The following DAB1 variants were observed in gnomAD, a reference collection of about 807,000 sequenced individuals.
DAB1 encodes the protein DAB adaptor protein 1.
DAB1 carries 15 observed loss-of-function variants against 64.6 expected under a neutral mutation model. The ratio of observed to expected loss-of-function variants is 0.23; its 90% CI spans 0.16 to 0.36. DAB1 has a LOEUF of 0.36. DAB1 is among the 10% of genes least tolerant of loss of function. DAB1 has a pLI of 1.00. For missense variants in DAB1, 596 were observed against 706.7 expected, an observed-to-expected ratio of 0.84 and a Z score of 1.78; for synonymous variants, 235 against 251.9, an observed-to-expected ratio of 0.93 and a Z score of 0.64.
At chr1:57,375,608 G>A (rs1250910693) in intron 1 of DAB1, among the ~76,000 whole-genome samples, 1 of 152,156 alleles carries the variant, frequency 6.6e-6, no homozygotes, top group Non-Finnish European at 1.5e-5. Flanking sequence ...TTTGAATCCA[G>A]ACAGTCTTGT....
intron 1 of DAB1, among the ~76,000 whole-genome samples, chr1:57,404,135 G>A (rs1038506017): frequency 6.6e-6 from 1 of 152,096 alleles, no homozygotes; most frequent in Non-Finnish European, 1.5e-5. Context: ...AATATACAAA[G>A]AGAAGGGTAT....
rs150299307 is a variant in DAB1 at position 58,167,223 on chromosome 1, T to C, written n.310-16635A>G. 6.8e-3 allele frequency among the ~76,000 whole-genome samples: 1,041 copies of C among 152,306 alleles called. 12 individuals carry two copies. The highest frequency in any genetic ancestry group is 0.024 in the African/African-American group (983 of 41,564). On this transcript the variant is annotated intron_variant and non_coding_transcript_variant, in intron 4 of 20. Coordinates refer to the DAB1 transcript ENST00000485760. ...GACTTGGAAAACTTTTGTGTCTAGCTAAAGGATTGTAAATGCACCAATCAG... is the reference window on the plus strand; with the variant it reads ...GACTTGGAAAACTTTTGTGTCTAGCCAAAGGATTGTAAATGCACCAATCAG...
intron 5 of DAB1, among the ~76,000 whole-genome samples, chr1:58,126,943 G>C (rs1570388439): frequency 6.9e-6 from 1 of 145,388 alleles, no homozygotes; most frequent in Non-Finnish European, 1.5e-5. Flanking sequence ...CTTTATAGCA[G>C]CATTATTTAT....
chr1:58,470,396 AC>A, intron 3 of DAB1, among the ~76,000 whole-genome samples: 1 of 151,660 alleles, frequency 6.6e-6, no homozygotes, highest in Middle Eastern at 3.4e-3. Flanking sequence ...CTGGTCTTGA[AC>A]TCCTAACCTC....
intron 5 of DAB1, among the ~76,000 whole-genome samples, chr1:58,089,632 A>G (rs1368344941): frequency 6.6e-6 from 1 of 152,224 alleles, no homozygotes; most frequent in Non-Finnish European, 1.5e-5. Context: ...AGAGACAAAG[A>G]GAAACATTGC....
At chr1:58,098,245 G>A (rs1042755777) in intron 5 of DAB1, among the ~76,000 whole-genome samples, 7 of 152,150 alleles carry the variant, frequency 4.6e-5, no homozygotes, top group African/African-American at 1.7e-4. Context: ...AACACGAAGG[G>A]AGTTTAACAG....
At chr1:57,228,273 G>A (rs549674944) in intron 2 of DAB1, among the ~76,000 whole-genome samples, 4 of 152,166 alleles carry the variant, frequency 2.6e-5, no homozygotes, top group African/African-American at 7.2e-5. Flanking sequence ...ACCCACACAC[G>A]TTAGAATTTT....
At chr1:57,703,999 A>G (rs1350345548) in intron 6 of DAB1, among the ~76,000 whole-genome samples, 1 of 152,136 alleles carries the variant, frequency 6.6e-6, no homozygotes, top group Non-Finnish European at 1.5e-5. Context: ...GAACACATGG[A>G]CACATAAAGG....
chr1:57,016,848 A>G (rs1456116319), intron 11 of DAB1, among the ~76,000 whole-genome samples: 2 of 152,186 alleles, frequency 1.3e-5, no homozygotes, highest in African/African-American at 4.8e-5. Context: ...GTACACTAGT[A>G]GGTGTTTTAT....
At chr1:57,094,117 AAAAAAAAAGG>A (rs983382420) in intron 4 of DAB1, among the ~76,000 whole-genome samples, 11 of 151,744 alleles carry the variant, frequency 7.2e-5, no homozygotes, top group Non-Finnish European at 1.5e-4. Flanking sequence ...TCAAAAAAAA[AAAAAAAAAGG>A]AATCTTGGAG....
intron 4 of DAB1, among the ~76,000 whole-genome samples, chr1:58,245,798 A>G (rs1014064052): frequency 6.6e-6 from 1 of 152,204 alleles, no homozygotes; most frequent in African/African-American, 2.4e-5. Context: ...TTCGTGTTCT[A>G]CTTATTTAAA....
At chr1:57,043,236 T>G (rs982339287) in intron 9 of DAB1, among the ~76,000 whole-genome samples, 11 of 152,282 alleles carry the variant, frequency 7.2e-5, no homozygotes, top group Admixed American at 3.9e-4. Context: ...TCCCATAATT[T>G]TCAGCCTCTC....
chr1:58,248,226 T>C (rs1286273333), intron 4 of DAB1, among the ~76,000 whole-genome samples: 1 of 152,122 alleles, frequency 6.6e-6, no homozygotes, highest in Non-Finnish European at 1.5e-5. Context: ...AATCCCTATT[T>C]GCCAATAAGC....
chr1:57,145,602 C>T (rs1356361551), intron 2 of DAB1, among the ~76,000 whole-genome samples, 173 bp from the exon 3 acceptor site: 1 of 152,172 alleles, frequency 6.6e-6, no homozygotes, highest in Non-Finnish European at 1.5e-5. Flanking sequence ...TGACTCCATC[C>T]ATTTAAGTCC....
At chr1:58,497,471 T>G (rs545365545) in intron 3 of DAB1, among the ~76,000 whole-genome samples, 2 of 152,142 alleles carry the variant, frequency 1.3e-5, no homozygotes, top group Non-Finnish European at 2.9e-5. Flanking sequence ...CATACTAAAG[T>G]TGATGGAGTT....
chr1:57,212,858 G>A (rs1014700504), intron 2 of DAB1, among the ~76,000 whole-genome samples: 53 of 152,284 alleles, frequency 3.5e-4, no homozygotes, highest in African/African-American at 1.2e-3. Flanking sequence ...ACTCAAGGCT[G>A]GATGTCACCC....
At position 57,105,369 on chromosome 1, in the gene DAB1, C is replaced by A. The variant is rs181802656; in HGVS notation, c.306+31174G>T. The stretch of plus-strand genomic sequence containing the variant: ...CCAGAAGAGAAAAAGCCCTTTCAAG[C>A]GCTTCCCAGTGTGTGGTGTGTGTGT... On this transcript the variant is annotated intron_variant, in intron 4 of 14. Coordinates refer to ENST00000371236, the MANE Select transcript of DAB1 (RefSeq NM_001365792.1). Among the ~76,000 whole-genome samples, 111 of 151,982 alleles carry A rather than the reference C, an allele frequency of 7.3e-4. 1 individual carries two copies. Among genetic ancestry groups the A allele is most frequent in the African/African-American group, 2.6e-3 (106 of 41,454 alleles).
At chr1:57,235,399 C>T (rs1000413350) in intron 2 of DAB1, among the ~76,000 whole-genome samples, 21 of 152,064 alleles carry the variant, frequency 1.4e-4, no homozygotes, top group African/African-American at 4.1e-4. Flanking sequence ...TTGAAGATTG[C>T]GATGTGGATT....
At chr1:58,073,160 T>C (rs946984805) in intron 5 of DAB1, among the ~76,000 whole-genome samples, 13 of 152,210 alleles carry the variant, frequency 8.5e-5, no homozygotes, top group African/African-American at 3.1e-4. Context: ...CAAGAGTCCA[T>C]GTTCTTGACA....
Sources: allele counts gnomAD v4.1 joint callset (sites outside exome capture counted in the v4.1 genomes callset), GRCh38; gene constraint gnomAD v4.1.1; transcripts MANE v1.5; gene names NCBI Gene and HGNC (gene_info 2026-07-23, HGNC 2026-07-21).